XDH: variants seen among roughly 807,000 people sequenced by gnomAD.
XDH encodes the protein xanthine dehydrogenase/oxidase.
A neutral mutation model predicts 156.1 loss-of-function variants in XDH; 138 were observed. The ratio of observed to expected loss-of-function variants is 0.88; its 90% CI spans 0.77 to 1.02. XDH has a LOEUF of 1.02. Among genes scored for constraint, XDH ranks in the 50% least tolerant of loss-of-function variants. The pLI, the probability that XDH is intolerant of heterozygous loss-of-function variation, is 0.00. For missense variants in XDH, 1,849 were observed against 1,684.9 expected (o/e 1.10, Z -1.71); for synonymous variants, 669 against 625.7 (o/e 1.07, Z -1.03).
chr2:31,403,383 T>C (rs900900961), intron 2 of XDH, among the ~76,000 whole-genome samples: 3 of 152,144 alleles, frequency 2.0e-5, no homozygotes, highest in African/African-American at 7.2e-5. Context: ...CAGAACCCCA[T>C]GGACAGCACC....
At position 31,383,014 on chromosome 2, in the gene XDH, A is replaced by G; in HGVS notation, c.1025T>C (p.Val342Ala). ...EQLRWFAGKQVKSVASVGGNI... is the reference protein window; with the variant it reads ...EQLRWFAGKQAKSVASVGGNI... ...AGAGCGACTCACCGCCACAGACTTG[A>G]CTTGCTTCCCAGCAAACCAGCGCAG... The change falls in exon 11 of 36, where the codon GTC (valine) becomes GCC (alanine). Residue 342 changes from valine (V) to alanine (A), a missense_variant. Coordinates refer to ENST00000379416, the MANE Select transcript of XDH (RefSeq NM_000379.4). The G allele has an allele frequency of 6.2e-7, 1 of 1,614,142 alleles. No individual in the cohort carries two copies. The highest frequency in any genetic ancestry group is 8.5e-7 in the Non-Finnish European group (1 of 1,180,018).
At chr2:31,343,790 C>T (rs1240274469) in intron 31 of XDH, among the ~76,000 whole-genome samples, 2 of 136,960 alleles carry the variant, frequency 1.5e-5, no homozygotes, top group African/African-American at 5.1e-5. Flanking sequence ...ATGTTTATGC[C>T]TTATATGTAT....
chr2:31,393,115 G>A (rs1406470384), intron 6 of XDH, among the ~76,000 whole-genome samples: 1 of 152,170 alleles, frequency 6.6e-6, no homozygotes, highest in African/African-American at 2.4e-5. Flanking sequence ...TGCTGTTGTT[G>A]GCTAAAGTAG....
At chr2:31,397,014 C>T (rs888322220) in intron 6 of XDH, among the ~76,000 whole-genome samples, 6 of 152,182 alleles carry the variant, frequency 3.9e-5, no homozygotes, top group African/African-American at 7.2e-5. Flanking sequence ...TCAGGATTAA[C>T]GTGGCCCAAT....
chr2:31,352,063 T>C (rs547265941), intron 24 of XDH, among the ~76,000 whole-genome samples: 7 of 152,342 alleles, frequency 4.6e-5, no homozygotes, highest in Admixed American at 6.5e-5. Context: ...TTTTGAATTA[T>C]TGATAGCTTC....
chr2:31,394,237 A>C (rs1686845545), intron 6 of XDH, among the ~76,000 whole-genome samples: 1 of 152,078 alleles, frequency 6.6e-6, no homozygotes, highest in African/African-American at 2.4e-5. Context: ...AATTATCTCA[A>C]GTTTTGTTTG....
intron 3 of XDH, 75 bp downstream of exon 3, chr2:31,402,973 A>G (rs1341415528): frequency 2.8e-5 from 42 of 1,518,906 alleles, no homozygotes; most frequent in Non-Finnish European, 3.2e-5. Flanking sequence ...ACACACATAC[A>G]CTCATGCACT....
chr2:31,386,524 C>T lies in XDH; in HGVS notation c.683G>A (p.Arg228Gln), dbSNP rs745346331. Reference protein sequence around the residue: ...RLKDTPRKQLRFEGERVTWIQ... With the variant: ...RLKDTPRKQLQFEGERVTWIQ... ...CCACGTCACACGCTCCCCTTCAAAT[C>T]GCAGCTGCTTCCGAGGAGTGTCTTT... Residue 228 changes from arginine (R) to glutamine (Q), a missense_variant, in exon 9 of 36, where the codon CGA (arginine) becomes CAA (glutamine). Arg to Gln is a conservative substitution (Grantham distance 43, BLOSUM62 1). Transcript: ENST00000379416. 24 of 1,614,060 alleles carry T rather than the reference C, an allele frequency of 1.5e-5. No homozygotes were observed. Among genetic ancestry groups the T allele is most frequent in the South Asian group, 2.2e-5 (2 of 91,080 alleles).
At chr2:31,374,729 T>C (rs776516623) in intron 15 of XDH, among the ~76,000 whole-genome samples, 1 of 152,230 alleles carries the variant, frequency 6.6e-6, no homozygotes, top group Non-Finnish European at 1.5e-5. Context: ...ACTCCATCTC[T>C]GCAGTTGTCT....
At chr2:31,378,139 GAA>G (rs1686318197) in intron 13 of XDH, among the ~76,000 whole-genome samples, 2 of 91,476 alleles carry the variant, frequency 2.2e-5, no homozygotes, top group African/African-American at 4.1e-5. Flanking sequence ...AGGAAGGAAG[GAA>G]GGAAGGAAGG....
At chr2:31,353,264 C>T (rs991996031) in intron 24 of XDH, among the ~76,000 whole-genome samples, 1 of 152,096 alleles carries the variant, frequency 6.6e-6, no homozygotes, top group Non-Finnish European at 1.5e-5. Context: ...TGGTCTTACC[C>T]TGGTCATTTA....
chr2:31,343,435 GTA>G lies in XDH; in HGVS notation c.3405-1140_3405-1139del, dbSNP rs200798849. Among the ~76,000 whole-genome samples the G allele has an allele frequency of 1.4e-3, 186 of 133,722 alleles. 2 individuals are homozygous for G. The highest frequency in any genetic ancestry group is 6.0e-3 in the Admixed American group (81 of 13,430). 87.7% of individuals were successfully genotyped at this position (133,722 alleles called of 152,430 possible). On this transcript the variant is annotated intron_variant, in intron 31 of 35. Transcript: ENST00000379416. ...ATATGGCATAGAAATGTTTTTTTGT[GTA>G]TATATGTTTATACATATATGCCTTA...
Position 31,370,442 on chromosome 2 carries a change from C to A in XDH, c.1893G>T (p.Gly631=). 1 of 1,614,158 alleles carries A rather than the reference C, an allele frequency of 6.2e-7. No homozygotes were observed. Among genetic ancestry groups the A allele is most frequent in the Non-Finnish European group, 8.5e-7 (1 of 1,180,028 alleles). Residue 631 remains glycine, a synonymous_variant, in exon 18 of 36, where the codon GGG becomes GGT. Transcript: ENST00000379416. ...IDTSEAKKVP[G]FVCFISADDV... Reference sequence around the variant, plus strand: ...CATCAGCGGAAATGAAACAAACAAACCCTGGAACCTTCTTAGCTTCTGATG... The same window carrying A: ...CATCAGCGGAAATGAAACAAACAAAACCTGGAACCTTCTTAGCTTCTGATG...
At chr2:31,402,919 G>T in intron 3 of XDH, 129 bp downstream of exon 3, 2 of 981,466 alleles carry the variant, frequency 2.0e-6, no homozygotes, top group Non-Finnish European at 3.2e-6. Flanking sequence ...CCTGTGCACA[G>T]ATTCTCCATA....
chr2:31,339,416 GGCCTCTCATCACCC>G, intron 34 of XDH, 59 bp downstream of exon 34: 3 of 1,601,042 alleles, frequency 1.9e-6, no homozygotes, highest in Non-Finnish European at 2.6e-6. Context: ...GGGTCACTGA[GGCCTCTCATCACCC>G]GCTGGGGCCT....
chr2:31,338,374 G>T (rs1685025266), intron 34 of XDH, among the ~76,000 whole-genome samples: 1 of 152,196 alleles, frequency 6.6e-6, no homozygotes, highest in South Asian at 2.1e-4. Flanking sequence ...TGCTGAAAAT[G>T]CATGTTCCAG....
chr2:31,372,342 AG>A lies in XDH; in HGVS notation c.1741del (p.Leu581TrpfsTer41). The A allele has an allele frequency of 2.5e-6, 4 of 1,614,186 alleles. No homozygotes were observed. The highest frequency in any genetic ancestry group is 3.4e-6 in the Non-Finnish European group (4 of 1,180,050). ...EDMVGRPLPHLAADMQASGEA... is the reference protein window; with the variant it reads ...EDMVGRPLPHXAADMQASGEA... The stretch of plus-strand genomic sequence containing the variant: ...ACCAGAGGCCTGCATGTCCGCTGCC[AG>A]GTGGGGCAGGGGCCGGCCCACCATG... On this transcript the variant is annotated frameshift_variant, in exon 17 of 36. Transcript: ENST00000379416. LOFTEE classifies it high-confidence loss of function.
intron 8 of XDH, among the ~76,000 whole-genome samples, chr2:31,386,987 GAAAGGAAGGAAGGAAGGAA>G (rs1686622752): frequency 1.3e-5 from 1 of 77,728 alleles, no homozygotes; most frequent in African/African-American, 5.2e-5. Context: ...AGGGAGGGAA[GAAAGGAAGGAAGGAAGGAA>G]GGAAGGAAGG....
At chr2:31,366,131 T>C in intron 21 of XDH, 22 bp from the exon 22 acceptor site, 1 of 1,614,176 alleles carries the variant, frequency 6.2e-7, no homozygotes, top group Non-Finnish European at 8.5e-7. Flanking sequence ...AGACAGAACA[T>C]TCGCACTGAA....
Sources: gnomAD v4.1 joint callset for allele counts (sites outside exome capture counted in the v4.1 genomes callset) on GRCh38, gnomAD v4.1.1 for gene constraint, MANE v1.5 for transcripts, NCBI Gene and HGNC (gene_info 2026-07-23, HGNC 2026-07-21) for gene names.